The following BMPR1B variants were observed in gnomAD, a reference collection of about 807,000 sequenced individuals.
BMPR1B encodes the protein bone morphogenetic protein receptor type 1B, also known as bone morphogenetic protein receptor type-1B.
Under a neutral mutation model 59.1 loss-of-function variants are expected in BMPR1B, and 12 were observed. That is an observed-to-expected ratio of 0.20 (90% CI 0.13 to 0.33). BMPR1B has a LOEUF of 0.33. Ranked by LOEUF, BMPR1B falls within the 10% of genes least tolerant of loss-of-function variation. The pLI, the probability that BMPR1B is intolerant of heterozygous loss-of-function variation, is 1.00. For synonymous variants in BMPR1B, 237 were observed against 207.3 expected, an observed-to-expected ratio of 1.14 and a Z score of -1.23; for missense variants, 550 against 610.9, an observed-to-expected ratio of 0.90 and a Z score of 1.05.
At chr4:94,781,900 A>G (rs1341949793) in intron 1 of BMPR1B, among the ~76,000 whole-genome samples, 1 of 151,914 alleles carries the variant, frequency 6.6e-6, no homozygotes, top group Non-Finnish European at 1.5e-5. Flanking sequence ...AAAGAGTCAT[A>G]TTTATTTATA....
chr4:94,808,823 A>G (rs1331321037), intron 1 of BMPR1B, among the ~76,000 whole-genome samples: 2 of 152,150 alleles, frequency 1.3e-5, no homozygotes, highest in Non-Finnish European at 2.9e-5. Context: ...TTGGGAGGCC[A>G]AGGCGGGCGG....
At position 95,123,847 on chromosome 4, in the gene BMPR1B, T is replaced by C. The variant is rs1158848829; in HGVS notation, c.387T>C (p.Leu129=). The C allele has an allele frequency of 6.2e-7, 1 of 1,612,316 alleles. No individual in the cohort carries two copies. The change falls in exon 7 of 13, where the codon CTT becomes CTC. Residue 129 remains leucine, a synonymous_variant. Transcript: ENST00000515059. ...GACCTATACACCACAGGGCTTTACT[T>C]ATATCTGTGACTGTCTGTAGTTTGC... is the stretch of plus-strand genomic sequence containing the variant. The part of the protein sequence containing the change: ...VDGPIHHRAL[L]ISVTVCSLLL...
intron 2 of BMPR1B, among the ~76,000 whole-genome samples, chr4:94,986,205 G>A (rs969518289): frequency 9.9e-5 from 15 of 151,736 alleles, no homozygotes; most frequent in Non-Finnish European, 2.2e-4. Context: ...TCTCTTTATT[G>A]GGTCATGAAA....
At chr4:94,882,401 G>T (rs1231761909) in intron 2 of BMPR1B, among the ~76,000 whole-genome samples, 1 of 152,350 alleles carries the variant, frequency 6.6e-6, no homozygotes, top group East Asian at 1.9e-4. Context: ...TAGCTTGAGA[G>T]TGGGGAACAG....
chr4:95,104,631 C>G, intron 4 of BMPR1B, 64 bp downstream of exon 4: 1 of 1,585,014 alleles, frequency 6.3e-7, no homozygotes, highest in Non-Finnish European at 8.7e-7. Context: ...AACTATGCAA[C>G]TGTAGGCTAG....
At chr4:95,003,671 A>T (rs1024237152) in intron 3 of BMPR1B, among the ~76,000 whole-genome samples, 1 of 152,084 alleles carries the variant, frequency 6.6e-6, no homozygotes, top group African/African-American at 2.4e-5. Context: ...AGACCATTGG[A>T]TGACTTATTT....
rs1731493932 is a variant in BMPR1B at position 95,109,845 on chromosome 4, T to C, written c.144-4875T>C. On this transcript the variant is annotated intron_variant, in intron 4 of 12. Coordinates refer to ENST00000515059, the MANE Select transcript of BMPR1B (RefSeq NM_001203.3). ...ATTTAGCATTAGGTGTATCTCCTAATGCTATCCCTCCCCCCTCCCCCCACC... is the reference window on the plus strand; with the variant it reads ...ATTTAGCATTAGGTGTATCTCCTAACGCTATCCCTCCCCCCTCCCCCCACC... Among the ~76,000 whole-genome samples the C allele has an allele frequency of 2.0e-5, 3 of 148,624 alleles. No individual in the cohort carries two copies. The South Asian group carries it at 6.6e-4, about 33-fold the overall frequency.
chr4:94,896,245 T>C (rs560264081), intron 2 of BMPR1B, among the ~76,000 whole-genome samples: 8 of 152,140 alleles, frequency 5.3e-5, no homozygotes, highest in African/African-American at 1.9e-4. Flanking sequence ...AAATTAGTCA[T>C]ATATAAGTCT....
intron 1 of BMPR1B, among the ~76,000 whole-genome samples, chr4:94,774,125 C>G (rs1722283429): frequency 6.6e-6 from 1 of 151,954 alleles, no homozygotes; most frequent in Non-Finnish European, 1.5e-5. Context: ...ATAACCCATA[C>G]CAAATTTTTA....
intron 2 of BMPR1B, among the ~76,000 whole-genome samples, chr4:94,988,290 T>A (rs1232900018): frequency 6.6e-6 from 1 of 152,110 alleles, no homozygotes; most frequent in African/African-American, 2.4e-5. Context: ...TTAAACATGA[T>A]GAGAAATCAG....
chr4:94,805,046 A>AAAG lies in BMPR1B; in HGVS notation c.-183+46978_-183+46979insAAG, dbSNP rs1723554807. Reference sequence around the variant, plus strand: ...ATAGAACTTACTTTAGAGTTCTTCTATGATCTATAAAATGAAGAAATAGCC... The same window carrying AAAG: ...ATAGAACTTACTTTAGAGTTCTTCTAAAGTGATCTATAAAATGAAGAAATAGCC... On this transcript the variant is annotated intron_variant, in intron 1 of 12. Coordinates refer to ENST00000515059, the MANE Select transcript of BMPR1B (RefSeq NM_001203.3). Among the ~76,000 whole-genome samples the AAAG allele has an allele frequency of 3.1e-4, 47 of 152,290 alleles. No homozygotes were observed. In the South Asian group the frequency reaches 9.5e-3, roughly 31 times the overall value.
At chr4:95,073,843 G>C (rs1338453845) in intron 3 of BMPR1B, among the ~76,000 whole-genome samples, 1 of 152,082 alleles carries the variant, frequency 6.6e-6, no homozygotes, top group Non-Finnish European at 1.5e-5. Context: ...GAATATTTAT[G>C]AAGTCCTTTG....
chr4:95,072,998 T>C (rs1309740613), intron 3 of BMPR1B, among the ~76,000 whole-genome samples: 1 of 152,172 alleles, frequency 6.6e-6, no homozygotes, highest in African/African-American at 2.4e-5. Flanking sequence ...GGTTGCATGA[T>C]AGTGACAAGG....
intron 3 of BMPR1B, among the ~76,000 whole-genome samples, chr4:95,041,635 A>AT (rs1333463533): frequency 4.1e-5 from 6 of 145,798 alleles, no homozygotes; most frequent in Non-Finnish European, 1.5e-5. Flanking sequence ...GGCCCCAGAT[A>AT]TTTCTTCTAG....
intron 1 of BMPR1B, among the ~76,000 whole-genome samples, chr4:94,800,800 T>A (rs1216513290): frequency 1.3e-5 from 2 of 152,218 alleles, no homozygotes; most frequent in East Asian, 1.9e-4. Flanking sequence ...TACTCATGAT[T>A]TTTGATTTAG....
chr4:95,101,230 C>A (rs1366371401), intron 3 of BMPR1B, among the ~76,000 whole-genome samples: 1 of 152,134 alleles, frequency 6.6e-6, no homozygotes, highest in Non-Finnish European at 1.5e-5. Context: ...CTGGAGGAGG[C>A]AACATCCAGT....
intron 3 of BMPR1B, among the ~76,000 whole-genome samples, chr4:95,018,780 A>T (rs1421023523): frequency 6.6e-6 from 1 of 152,206 alleles, no homozygotes; most frequent in Non-Finnish European, 1.5e-5. Flanking sequence ...TAAACAAATC[A>T]ACCTAGTGTG....
intron 2 of BMPR1B, among the ~76,000 whole-genome samples, chr4:94,907,228 G>A (rs1162696771): frequency 6.6e-6 from 1 of 152,056 alleles, no homozygotes; most frequent in Non-Finnish European, 1.5e-5. Flanking sequence ...CTTTCATGAA[G>A]AGGCATTGAC....
At chr4:94,960,660 A>G (rs979168061) in intron 2 of BMPR1B, among the ~76,000 whole-genome samples, 7 of 152,088 alleles carry the variant, frequency 4.6e-5, no homozygotes, top group African/African-American at 1.7e-4. Context: ...CAGTTTATTG[A>G]GTAGCTTTCA....
Sources: allele counts gnomAD v4.1 joint callset (sites outside exome capture counted in the v4.1 genomes callset), GRCh38; gene constraint gnomAD v4.1.1; transcripts MANE v1.5; gene names NCBI Gene and HGNC (gene_info 2026-07-23, HGNC 2026-07-21).